Variants in GRK6 observed in about 807,000 individuals in gnomAD.
GRK6 encodes G protein-coupled receptor kinase 6.
A neutral mutation model predicts 80.8 loss-of-function variants in GRK6; 37 were observed. The ratio of observed to expected loss-of-function variants is 0.46; its 90% CI spans 0.35 to 0.60. The LOEUF is 0.60. Ranked by LOEUF, GRK6 falls within the 20% of genes least tolerant of loss-of-function variation. The pLI is 0.00. For missense variants in GRK6, 560 were observed against 784.6 expected (o/e 0.71, Z 3.42); for synonymous variants, 295 against 320.9 (o/e 0.92, Z 0.86).
intron 4 of GRK6, 90 bp from the exon 5 acceptor site, chr5:177,432,616 A>G (rs1304412519): frequency 3.2e-6 from 3 of 923,290 alleles, no homozygotes; most frequent in Non-Finnish European, 4.9e-6. Context: ...CTCTCATGGC[A>G]CCAGCCCGAG....
chr5:177,441,406 G>A (rs559812491), intron 15 of GRK6: 28 of 896,936 alleles, frequency 3.1e-5, no homozygotes, highest in Admixed American at 1.3e-4. Flanking sequence ...TGGCCCCTTC[G>A]AGCTGCCAGC....
chr5:177,436,981 GTCTTGCTC>G (rs1300818961), intron 13 of GRK6, among the ~76,000 whole-genome samples: 1 of 151,162 alleles, frequency 6.6e-6, no homozygotes, highest in Non-Finnish European at 1.5e-5. Flanking sequence ...TGGAGACAGG[GTCTTGCTC>G]TGTCCCCGAG....
Position 177,433,579 on chromosome 5 carries a change from G to T in GRK6, c.641G>T (p.Cys214Phe). 1 of 1,614,118 alleles carries T rather than the reference G, an allele frequency of 6.2e-7. No individual in the cohort carries two copies. Among genetic ancestry groups the T allele is most frequent in the Non-Finnish European group, 8.5e-7 (1 of 1,180,024 alleles). Residue 214 changes from cysteine (C) to phenylalanine (F), a missense_variant, in exon 8 of 16, where the codon TGC (cysteine) becomes TTC (phenylalanine). Around this residue, in one of 3 missense-constraint regions of GRK6, gnomAD observed 77 missense variants for 156.9 expected, o/e 0.49. Transcript: ENST00000355472. ...CGGGCCACAGGTAAGATGTATGCCTGCAAGAAGCTAGAGAAAAAGCGGATC... is the reference window on the plus strand; with the variant it reads ...CGGGCCACAGGTAAGATGTATGCCTTCAAGAAGCTAGAGAAAAAGCGGATC... ...QVRATGKMYA[C>F]KKLEKKRIKK...
rs756099579 is a variant in GRK6 at position 177,432,746 on chromosome 5, C to T, written c.380C>T (p.Thr127Met). ...CCTGAGGTCCCCCGGCAGCTGGTGA[C>T]GAACTGCACCCAGCGGCTGGAGCAG... ...LIPEVPRQLVTNCTQRLEQGP... is the reference protein window; with the variant it reads ...LIPEVPRQLVMNCTQRLEQGP... Residue 127 changes from threonine to methionine, a missense_variant, in exon 5 of 16, where the codon ACG (threonine) becomes ATG (methionine). Around this residue, in one of 3 missense-constraint regions of GRK6, gnomAD observed 189 missense variants for 230.2 expected, o/e 0.82. Transcript: ENST00000355472. 71 of 1,612,034 alleles carry T rather than the reference C, an allele frequency of 4.4e-5. No individual in the cohort carries two copies. Among genetic ancestry groups the T allele is most frequent in the Middle Eastern group, 3.3e-4 (2 of 6,080 alleles).
intron 15 of GRK6, chr5:177,441,426 C>T: frequency 1.3e-6 from 1 of 768,876 alleles, no homozygotes; most frequent in Non-Finnish European, 2.1e-6. Flanking sequence ...CTTTGCTTCG[C>T]TTGTCTCCCC....
Position 177,436,489 on chromosome 5 carries a change from C to T in GRK6, c.1363C>T (p.Arg455Trp). ...HPLFKKLNFK[R>W]LGAGMLEPPF... ...CCTCTTTAAGAAGCTGAACTTCAAG[C>T]GGCTGGGAGCTGGCATGCTGGAGCC... Residue 455 changes from arginine (R) to tryptophan (W), a missense_variant, in exon 13 of 16, where the codon CGG (arginine) becomes TGG (tryptophan). Arg to Trp is a moderately radical substitution (Grantham distance 101). Coordinates refer to ENST00000355472, the MANE Select transcript of GRK6 (RefSeq NM_001004106.3). 6.2e-7 allele frequency: 1 copy of T among 1,609,310 alleles called. No homozygotes were observed.
chr5:177,426,767 C>T lies in GRK6; in HGVS notation c.-79C>T. 1.3e-6 allele frequency: 1 copy of T among 795,118 alleles called. No individual in the cohort carries two copies. The highest frequency in any genetic ancestry group is 1.5e-6 in the Non-Finnish European group (1 of 654,070). The allele number at this position is 795,118 out of a possible 1,614,324, so 49.3% of individuals were successfully genotyped here. A position where few individuals can be genotyped will look rare whatever the true frequency, so the allele number is the denominator to read the frequency against. On this transcript the variant is annotated 5_prime_UTR_variant, in exon 1 of 16. Coordinates refer to ENST00000355472, the MANE Select transcript of GRK6 (RefSeq NM_001004106.3). The stretch of plus-strand genomic sequence containing the variant: ...CGAGCCGAGCCGCGCCGAGCCGCGC[C>T]GATCGCCATCCGGCCTCGGCACTCG...
chr5:177,430,767 C>T (rs1581674849), intron 1 of GRK6, 105 bp from the exon 2 acceptor site: 19 of 918,594 alleles, frequency 2.1e-5, no homozygotes, highest in Middle Eastern at 3.1e-4. Context: ...TGTTCTGCCT[C>T]AGCTCTGCCT....
Position 177,436,491 on chromosome 5 carries a change from G to A in GRK6, c.1365G>A (p.Arg455=). 2 of 1,609,062 alleles carry A rather than the reference G, an allele frequency of 1.2e-6. No homozygotes were observed. The highest frequency in any genetic ancestry group is 1.7e-6 in the Non-Finnish European group (2 of 1,177,724). Residue 455 remains arginine, a synonymous_variant, in exon 13 of 16, where the codon CGG becomes CGA. Transcript: ENST00000355472. Reference sequence around the variant, plus strand: ...TCTTTAAGAAGCTGAACTTCAAGCGGCTGGGAGCTGGCATGCTGGAGCCGC... The same window carrying A: ...TCTTTAAGAAGCTGAACTTCAAGCGACTGGGAGCTGGCATGCTGGAGCCGC... ...HPLFKKLNFK[R]LGAGMLEPPF...
At position 177,442,081 on chromosome 5, in the gene GRK6, T is replaced by G; in HGVS notation, c.*291T>G. ...TATATAGCGACCAGAGCATTCTTAA[T>G]TCCCGCCGCAGACCTGGCGCCCCCG... On this transcript the variant is annotated 3_prime_UTR_variant, in exon 16 of 16. Transcript: ENST00000355472. 1.3e-4 allele frequency: 47 copies of G among 371,952 alleles called. No homozygotes were observed. Among genetic ancestry groups the G allele is most frequent in the Non-Finnish European group, 1.8e-4 (36 of 205,686 alleles). The allele number at this position is 371,952 out of a possible 1,614,324, so 23.0% of individuals were successfully genotyped here.
At chr5:177,426,412 G>C (rs1763668809), upstream of GRK6, 1 of 152,208 alleles carries the variant, frequency 6.6e-6, no homozygotes, top group African/African-American at 2.4e-5. Context: ...GGCCCTAATT[G>C]GCAGTTTGGT....
rs775567957 is a variant in GRK6 at position 177,432,264 on chromosome 5, G to A, written c.293G>A (p.Arg98Gln). The A allele has an allele frequency of 1.9e-5, 31 of 1,613,362 alleles. No homozygotes were observed. Among genetic ancestry groups the A allele is most frequent in the African/African-American group, 5.3e-5 (4 of 74,908 alleles). ...TATGAAGTGACCCCGGATGACAAGC[G>A]GAAGGCATGTGGGCGGCAGCTAACG... ...AEYEVTPDDKRKACGRQLTQN... is the reference protein window; with the variant it reads ...AEYEVTPDDKQKACGRQLTQN... The change falls in exon 4 of 16, where the codon CGG becomes CAG. Residue 98 changes from arginine (R) to glutamine (Q), a missense_variant. Around this residue, in one of 3 missense-constraint regions of GRK6, gnomAD observed 189 missense variants for 230.2 expected, o/e 0.82. Coordinates refer to ENST00000355472, the MANE Select transcript of GRK6 (RefSeq NM_001004106.3).
chr5:177,442,151 C>A lies in GRK6; in HGVS notation c.*361C>A, dbSNP rs1764544501. On this transcript the variant is annotated 3_prime_UTR_variant, in exon 16 of 16. Transcript: ENST00000355472. ...CCAGCCCTGGCTGGGAGAGCGGGAG[C>A]TGGCAGAGGAGCCACTGCCAAACTC... 3.3e-6 allele frequency: 1 copy of A among 303,196 alleles called. No individual in the cohort carries two copies. The highest frequency in any genetic ancestry group is 6.2e-6 in the Non-Finnish European group (1 of 162,330). 18.8% of individuals were successfully genotyped at this position (303,196 alleles called of 1,614,324 possible).
chr5:177,432,435 G>A, intron 4 of GRK6, 125 bp downstream of exon 4: 1 of 977,380 alleles, frequency 1.0e-6, no homozygotes, highest in South Asian at 1.4e-5. Context: ...ACACAGCCTG[G>A]ACAGAGAGTG....
At position 177,428,197 on chromosome 5, in the gene GRK6, G is replaced by A. The variant is rs901659451; in HGVS notation, c.52+1300G>A. Among the ~76,000 whole-genome samples, 8 of 152,292 alleles carry A rather than the reference G, an allele frequency of 5.3e-5. No individual in the cohort carries two copies. The highest frequency in any genetic ancestry group is 1.9e-4 in the East Asian group (1 of 5,188). On this transcript the variant is annotated intron_variant, in intron 1 of 15. Coordinates refer to ENST00000355472, the MANE Select transcript of GRK6 (RefSeq NM_001004106.3). This position sits in a 1 kb window ranked among gnomAD's most constrained non-coding sequence, Gnocchi z 4.1. ...GCATCTGCCGATTCTGTTCTGCCTC[G>A]TCATCCAACCAGCCAGGGAGGAGGG...
chr5:177,434,831 TG>T (rs1343763044), intron 9 of GRK6, 70 bp from the exon 10 acceptor site: 21 of 1,572,762 alleles, frequency 1.3e-5, no homozygotes, highest in Middle Eastern at 2.2e-4. Context: ...GCGAGTGAGC[TG>T]GGGGGGCTGG....
chr5:177,431,882 C>A, intron 2 of GRK6, 113 bp from the exon 3 acceptor site: 1 of 902,114 alleles, frequency 1.1e-6, no homozygotes. Context: ...TTGTGGCTAC[C>A]ACACTGCAGA....
chr5:177,432,734 G>T lies in GRK6; in HGVS notation c.368G>T (p.Arg123Leu), dbSNP rs139248624. The change falls in exon 5 of 16, where the codon CGG (arginine) becomes CTG (leucine). Residue 123 changes from arginine to leucine, a missense_variant. By Grantham distance (102) the Arg-to-Leu change is moderately radical. Coordinates refer to ENST00000355472, the MANE Select transcript of GRK6 (RefSeq NM_001004106.3). ...TGPDLIPEVP[R>L]QLVTNCTQRL... ...CCTGACCTCATCCCTGAGGTCCCCC[G>T]GCAGCTGGTGACGAACTGCACCCAG... 104 of 1,610,524 alleles carry T rather than the reference G, an allele frequency of 6.5e-5. No homozygotes were observed. Among genetic ancestry groups the T allele is most frequent in the Non-Finnish European group, 8.5e-5 (100 of 1,178,630 alleles).
chr5:177,430,754 T>C, intron 1 of GRK6, 118 bp from the exon 2 acceptor site: 2 of 781,742 alleles, frequency 2.6e-6, no homozygotes, highest in Non-Finnish European at 2.2e-6. Context: ...AGGCCTGAGG[T>C]GCTGTTCTGC....
Sources: allele counts gnomAD v4.1 joint callset (sites outside exome capture counted in the v4.1 genomes callset), GRCh38; gene constraint gnomAD v4.1.1; regional missense constraint gnomAD v4.1.1; non-coding constraint Gnocchi (gnomAD v3.1); transcripts MANE v1.5; gene names NCBI Gene and HGNC (gene_info 2026-07-23, HGNC 2026-07-21).